The following BNC2 variants were observed in gnomAD, a reference collection of about 807,000 sequenced individuals.
The protein encoded by BNC2 is basonuclin zinc finger protein 2, also known as zinc finger protein basonuclin-2.
BNC2 carries 20 observed loss-of-function variants against 76.3 expected under a neutral mutation model. That is an observed-to-expected ratio of 0.26 (90% confidence interval 0.18 to 0.38). The LOEUF is 0.38. Ranked by LOEUF, BNC2 falls within the 10% of genes least tolerant of loss-of-function variation. The pLI is 1.00. For synonymous variants in BNC2, 582 were observed against 514.8 expected, an observed-to-expected ratio of 1.13 and a Z score of -1.77; for missense variants, 1,382 against 1,399.8, an observed-to-expected ratio of 0.99 and a Z score of 0.20.
intron 5 of BNC2, among the ~76,000 whole-genome samples, chr9:16,496,952 G>A (rs559663979): frequency 2.6e-5 from 4 of 152,286 alleles, no homozygotes; most frequent in African/African-American, 4.8e-5. Flanking sequence ...CAGCCTCTCC[G>A]CAGTACTACT....
At chr9:16,870,505 C>T in intron 1 of BNC2, 141 bp downstream of exon 1, 2 of 849,250 alleles carry the variant, frequency 2.4e-6, no homozygotes, top group Non-Finnish European at 3.5e-6. Flanking sequence ...CCCCGGCCCG[C>T]CCTCCTCAGC....
In BNC2 at chr9:16,418,869, A is replaced by T. The variant is rs182036145; in HGVS notation, c.*120T>A. On this transcript the variant is annotated 3_prime_UTR_variant, in exon 7 of 7. Coordinates refer to ENST00000380672, the MANE Select transcript of BNC2 (RefSeq NM_017637.6). ...GTATATGTAGCCACAGAGCATACAT[A>T]AATGCACACACACACACACACACAC... 20,857 of 1,096,074 alleles carry T rather than the reference A, an allele frequency of 0.019. 1,282 individuals are homozygous for T. The highest frequency in any genetic ancestry group is 0.15 in the East Asian group (5,931 of 40,488). The allele number at this position is 1,096,074 out of a possible 1,614,324, so 67.9% of individuals were successfully genotyped here.
chr9:16,638,397 C>G, intron 3 of BNC2, among the ~76,000 whole-genome samples: 1 of 152,102 alleles, frequency 6.6e-6, no homozygotes, highest in Admixed American at 6.6e-5. Flanking sequence ...CTGGATAAAA[C>G]AGAAAACTTG....
At chr9:16,844,285 G>A (rs1034513130) in intron 1 of BNC2, among the ~76,000 whole-genome samples, 17 of 151,748 alleles carry the variant, frequency 1.1e-4, no homozygotes, top group Admixed American at 2.6e-4. Context: ...GGGGGCTTAC[G>A]ACTAAATACT....
intron 3 of BNC2, among the ~76,000 whole-genome samples, chr9:16,659,679 G>T (rs894348606): frequency 1.3e-5 from 2 of 151,290 alleles, no homozygotes; most frequent in African/African-American, 4.9e-5. Context: ...CTCTCTGCTA[G>T]AATATTCTTC....
chr9:16,852,972 C>G (rs1481025160), intron 1 of BNC2, among the ~76,000 whole-genome samples: 1 of 152,100 alleles, frequency 6.6e-6, no homozygotes, highest in African/African-American at 2.4e-5. Context: ...ATATCCTTTT[C>G]AGTGATGGTA....
chr9:16,659,552 T>C lies in BNC2; in HGVS notation c.330+68245A>G, dbSNP rs139061600. Among the ~76,000 whole-genome samples, 8 of 147,156 alleles carry C rather than the reference T, an allele frequency of 5.4e-5. No individual in the cohort carries two copies. In the East Asian group the frequency reaches 1.6e-3, roughly 30 times the overall value. ...GAACCCAGGAGGCGGAAATTGAAGT[T>C]AGCCGAGATTGCACCACTGCACTCC... On this transcript the variant is annotated intron_variant, in intron 3 of 6. Transcript: ENST00000380672.
intron 5 of BNC2, among the ~76,000 whole-genome samples, chr9:16,509,189 A>G (rs563646790): frequency 3.3e-5 from 5 of 152,098 alleles, no homozygotes; most frequent in Non-Finnish European, 7.4e-5. Flanking sequence ...TTTGATATCT[A>G]GGCACAAGTC....
chr9:16,447,811 A>T (rs7021182), intron 5 of BNC2, among the ~76,000 whole-genome samples: 93,779 of 151,914 alleles, frequency 0.62, 31,672 homozygotes, highest in African/African-American at 0.91. Flanking sequence ...TATATATCAA[A>T]AAAACTATGT....
At chr9:16,790,239 C>T (rs960387406) in intron 1 of BNC2, among the ~76,000 whole-genome samples, 7 of 152,112 alleles carry the variant, frequency 4.6e-5, no homozygotes, top group South Asian at 4.2e-4. Context: ...CCTCGTGATC[C>T]GCCCGCCTCG....
chr9:16,498,076 A>C (rs1266016585), intron 5 of BNC2, among the ~76,000 whole-genome samples: 1 of 145,236 alleles, frequency 6.9e-6, no homozygotes, highest in Non-Finnish European at 1.5e-5. Context: ...TATATATTCT[A>C]TCATATATAT....
intron 4 of BNC2, among the ~76,000 whole-genome samples, chr9:16,572,813 T>C (rs1227593341): frequency 6.6e-6 from 1 of 152,130 alleles, no homozygotes; most frequent in African/African-American, 2.4e-5. Flanking sequence ...AGCCTGGATT[T>C]AGGGTGTTAG....
intron 3 of BNC2, among the ~76,000 whole-genome samples, chr9:16,673,375 G>A (rs1214482942): frequency 2.7e-5 from 4 of 148,858 alleles, no homozygotes; most frequent in African/African-American, 1.0e-4. Flanking sequence ...ATTCTTCTAG[G>A]GTGAGTAGAT....
At chr9:16,435,449 T>C in intron 6 of BNC2, 106 bp downstream of exon 6, 1 of 1,349,058 alleles carries the variant, frequency 7.4e-7, no homozygotes, top group Non-Finnish European at 1.1e-6. Context: ...ATCTTTACAG[T>C]GCACCAAAAA....
intron 1 of BNC2, among the ~76,000 whole-genome samples, chr9:16,868,707 G>C (rs765108924): frequency 6.6e-6 from 1 of 152,152 alleles, no homozygotes; most frequent in Non-Finnish European, 1.5e-5. Flanking sequence ...CGCACTCTGG[G>C]AACTAAGAAC....
intron 2 of BNC2, among the ~76,000 whole-genome samples, chr9:16,732,555 T>C (rs147029247): frequency 5.1e-4 from 77 of 152,372 alleles, no homozygotes; most frequent in Non-Finnish European, 8.4e-4. Context: ...CAAGCATCTC[T>C]AGAACTTCTG....
At chr9:16,759,576 A>C (rs1825492188) in intron 1 of BNC2, among the ~76,000 whole-genome samples, 1 of 152,194 alleles carries the variant, frequency 6.6e-6, no homozygotes, top group Non-Finnish European at 1.5e-5. Context: ...AAACAAATCA[A>C]GAGAACAATC....
chr9:16,518,308 C>A (rs1321665480), intron 5 of BNC2, among the ~76,000 whole-genome samples: 1 of 151,938 alleles, frequency 6.6e-6, no homozygotes, highest in Non-Finnish European at 1.5e-5. Flanking sequence ...GCGGTGTGCA[C>A]CTGTGGTCCC....
chr9:16,841,451 G>C (rs1170172163), intron 1 of BNC2, among the ~76,000 whole-genome samples: 1 of 152,130 alleles, frequency 6.6e-6, no homozygotes, highest in Non-Finnish European at 1.5e-5. Flanking sequence ...GAGGCCATCA[G>C]AACTGTAACT....
Sources: allele counts gnomAD v4.1 joint callset (sites outside exome capture counted in the v4.1 genomes callset), GRCh38; gene constraint gnomAD v4.1.1; transcripts MANE v1.5; gene names NCBI Gene and HGNC (gene_info 2026-07-23, HGNC 2026-07-21).